CLDN16: variants seen among roughly 807,000 people sequenced by gnomAD.
The protein encoded by CLDN16 is claudin-16.
In CLDN16, 13 loss-of-function variants were observed where a neutral mutation model predicts 24.6. The observed-to-expected ratio is 0.53, with a 90% confidence interval of 0.34 to 0.84. The LOEUF (loss-of-function observed/expected upper bound fraction) is 0.84. Ranked by LOEUF, CLDN16 falls within the 40% of genes least tolerant of loss-of-function variation. The pLI is 0.01. For missense variants in CLDN16, 298 were observed against 292.7 expected, an observed-to-expected ratio of 1.02 and a Z score of -0.13; for synonymous variants, 116 against 106.7, an observed-to-expected ratio of 1.09 and a Z score of -0.54.
intron 3 of CLDN16, among the ~76,000 whole-genome samples, chr3:190,376,008 A>G (rs968736966): frequency 2.6e-5 from 4 of 151,802 alleles, no homozygotes; most frequent in Non-Finnish European, 4.4e-5. Context: ...CAAGCAGCAC[A>G]ATTATTCTCT....
chr3:190,357,679 T>G (rs111847935), intron 1 of CLDN16, among the ~76,000 whole-genome samples: 4,308 of 152,080 alleles, frequency 0.028, 95 homozygotes, highest in East Asian at 0.056. Context: ...ACTGTGTTTT[T>G]CCTCTTTCAC....
At chr3:190,351,253 G>C (rs1185840747) in intron 1 of CLDN16, among the ~76,000 whole-genome samples, 1 of 151,970 alleles carries the variant, frequency 6.6e-6, no homozygotes, top group African/African-American at 2.4e-5. Context: ...AGAACCATGA[G>C]CCAAAAAACC....
the CLDN16 span, among the ~76,000 whole-genome samples, chr3:190,301,864 C>G: frequency 6.6e-6 from 1 of 152,168 alleles, no homozygotes; most frequent in African/African-American, 2.4e-5. Flanking sequence ...TATTTTTCAA[C>G]ACAACAGGAA....
rs1210662953 is a variant in CLDN16, at chr3:190,388,312, G to T, written c.-18G>T. The T allele has an allele frequency of 1.9e-6, 3 of 1,614,032 alleles. No homozygotes were observed. The highest frequency in any genetic ancestry group is 2.5e-6 in the Non-Finnish European group (3 of 1,180,034). On this transcript the variant is annotated 5_prime_UTR_variant, in exon 1 of 5. It removes the in-frame stop codon of an upstream open reading frame in the 5' UTR. Transcript: ENST00000264734. Reference sequence around the variant, plus strand: ...TGGTGTCTGCCCATGTTGCCATCCTGATGGGCTGCTTGCCACAATGAGGGA... The same window carrying T: ...TGGTGTCTGCCCATGTTGCCATCCTTATGGGCTGCTTGCCACAATGAGGGA...
chr3:190,409,472 G>T (rs573988259), intron 4 of CLDN16, among the ~76,000 whole-genome samples: 21 of 151,706 alleles, frequency 1.4e-4, no homozygotes, highest in Admixed American at 4.6e-4. Flanking sequence ...TTGTAGTTGT[G>T]AATTTTCTAT....
chr3:190,379,785 C>T (rs1384076051), intron 3 of CLDN16, among the ~76,000 whole-genome samples: 1 of 152,092 alleles, frequency 6.6e-6, no homozygotes, highest in East Asian at 1.9e-4. Flanking sequence ...CCTTTAGGAA[C>T]ACTCCCTTCT....
At chr3:190,311,404 A>G in the CLDN16 span, among the ~76,000 whole-genome samples, 19 of 152,214 alleles carry the variant, frequency 1.2e-4, no homozygotes, top group Non-Finnish European at 2.4e-4. Context: ...GTATTTGGGT[A>G]AACTGAGAGA....
chr3:190,408,806 CGTATATATACTATATAT>C (rs1364556783), intron 4 of CLDN16, among the ~76,000 whole-genome samples: 1 of 144,388 alleles, frequency 6.9e-6, no homozygotes, highest in Non-Finnish European at 1.5e-5. Flanking sequence ...ATATACATAC[CGTATATATACTATATAT>C]GTATATATAC....
At chr3:190,324,417 A>G (rs1717013435) in intron 1 of CLDN16, among the ~76,000 whole-genome samples, 1 of 152,196 alleles carries the variant, frequency 6.6e-6, no homozygotes, top group African/African-American at 2.4e-5. Flanking sequence ...CGGGAGGCGG[A>G]GGTGGCAGTG....
At chr3:190,339,647 G>A (rs1443734886) in intron 1 of CLDN16, among the ~76,000 whole-genome samples, 1 of 152,120 alleles carries the variant, frequency 6.6e-6, no homozygotes, top group African/African-American at 2.4e-5. Flanking sequence ...TTGATTTAAG[G>A]ATTAATATGT....
chr3:190,375,415 A>C (rs191335839), intron 3 of CLDN16, among the ~76,000 whole-genome samples: 1 of 152,082 alleles, frequency 6.6e-6, no homozygotes. Context: ...GCAGGAACTC[A>C]GATGAAAAAA....
intron 2 of CLDN16, among the ~76,000 whole-genome samples, chr3:190,404,425 G>T (rs912085103): frequency 3.3e-5 from 5 of 152,102 alleles, no homozygotes; most frequent in African/African-American, 1.2e-4. Context: ...TCAGCAATCG[G>T]CTACAATATT....
At chr3:190,377,627 C>T (rs997496346) in intron 3 of CLDN16, among the ~76,000 whole-genome samples, 4 of 152,008 alleles carry the variant, frequency 2.6e-5, no homozygotes, top group Non-Finnish European at 5.9e-5. Context: ...CTATGAAAAG[C>T]TCTAAAATCT....
intron 1 of CLDN16, among the ~76,000 whole-genome samples, chr3:190,361,958 TG>T (rs2108641871): frequency 6.9e-6 from 1 of 144,442 alleles, no homozygotes; most frequent in South Asian, 2.2e-4. Context: ...AAGATAAGGG[TG>T]GGGGCTACCA....
intron 2 of CLDN16, 110 bp from the exon 3 acceptor site, chr3:190,404,652 G>A (rs140918099): frequency 4.0e-5 from 41 of 1,012,464 alleles, no homozygotes; most frequent in Non-Finnish European, 5.3e-5. Flanking sequence ...GACTTTTACC[G>A]GAGGGGTGTG....
At chr3:190,392,595 G>A (rs1456936408) in intron 1 of CLDN16, among the ~76,000 whole-genome samples, 2 of 152,116 alleles carry the variant, frequency 1.3e-5, no homozygotes, top group Non-Finnish European at 2.9e-5. Flanking sequence ...AACCCTAAGC[G>A]AGTGGCTCAC....
chr3:190,315,307 T>G, the CLDN16 span, among the ~76,000 whole-genome samples: 1 of 152,122 alleles, frequency 6.6e-6, no homozygotes. Context: ...CTTTAAAGTT[T>G]AAAGTCCTAC....
chr3:190,405,976 G>A (rs1171547257), intron 3 of CLDN16, among the ~76,000 whole-genome samples: 2 of 152,172 alleles, frequency 1.3e-5, no homozygotes, highest in Admixed American at 6.5e-5. Flanking sequence ...AATATAAGTG[G>A]CAGCCTGACC....
the CLDN16 span, among the ~76,000 whole-genome samples, chr3:190,291,108 A>G: frequency 8.2e-3 from 1,254 of 152,284 alleles, 21 homozygotes; most frequent in African/African-American, 0.029. Flanking sequence ...CTAGAGAAAA[A>G]CAATCTAGGC....
Sources: gnomAD v4.1 joint callset for allele counts (sites outside exome capture counted in the v4.1 genomes callset) on GRCh38, gnomAD v4.1.1 for gene constraint, MANE v1.5 for transcripts, NCBI Gene and HGNC (gene_info 2026-07-23, HGNC 2026-07-21) for gene names.